The following ENPP1 variants were observed in gnomAD, a reference collection of about 807,000 sequenced individuals.
ENPP1 encodes ectonucleotide pyrophosphatase/phosphodiesterase family member 1.
Under a neutral mutation model 122.8 loss-of-function variants are expected in ENPP1, and 73 were observed. That is an observed-to-expected ratio of 0.59 (90% CI 0.49 to 0.72). The LOEUF (loss-of-function observed/expected upper bound fraction) is 0.72, where lower values mean the gene tolerates loss of function less well. Ranked by LOEUF, ENPP1 falls within the 30% of genes least tolerant of loss-of-function variation. ENPP1 has a pLI of 0.00. For synonymous variants in ENPP1, 367 were observed against 391.6 expected (o/e 0.94, Z 0.74); for missense variants, 978 against 1,128.1 (o/e 0.87, Z 1.91).
chr6:131,828,459 A>C, intron 1 of ENPP1: 1 of 264,542 alleles, frequency 3.8e-6, no homozygotes, highest in Non-Finnish European at 7.3e-6. Context: ...AAAATATTAA[A>C]TAAATCAGAA....
intron 16 of ENPP1, among the ~76,000 whole-genome samples, chr6:131,874,944 A>C (rs1302172357): frequency 1.3e-5 from 2 of 152,202 alleles, no homozygotes; most frequent in African/African-American, 4.8e-5. Flanking sequence ...CATTATCCTT[A>C]GTGAAATAAC....
rs1781770509 is a variant in ENPP1, at chr6:131,843,752, G to T, written c.241-4024G>T. 3.3e-5 allele frequency among the ~76,000 whole-genome samples: 5 copies of T among 151,394 alleles called. No individual in the cohort carries two copies. In the South Asian group the frequency reaches 1.0e-3, roughly 32 times the overall value. On this transcript the variant is annotated intron_variant, in intron 1 of 24. Coordinates refer to ENST00000647893, the MANE Select transcript of ENPP1 (RefSeq NM_006208.3). ...ATTCCATGATTTCAGATTAAGCTGG[G>T]CTCCCAGAGCTGGAGGGTCTTTTTA...
intron 24 of ENPP1, among the ~76,000 whole-genome samples, chr6:131,887,576 TGAGACAGAG>T (rs1782398791): frequency 6.8e-6 from 1 of 146,044 alleles, no homozygotes; most frequent in African/African-American, 2.6e-5. Flanking sequence ...TTTTTTTTTT[TGAGACAGAG>T]TCTCACTTTG....
intron 20 of ENPP1, among the ~76,000 whole-genome samples, chr6:131,881,147 A>G (rs762659149): frequency 1.3e-5 from 2 of 152,216 alleles, no homozygotes; most frequent in Non-Finnish European, 2.9e-5. Context: ...TTTAAAAAAT[A>G]AAATGATTTT....
At position 131,808,265 on chromosome 6, in the gene ENPP1, T is replaced by C; in HGVS notation, c.230T>C (p.Val77Ala). ...RTAKDPNTYK[V>A]LSLVLSVCVL... ...GCCAAGGACCCCAACACCTATAAAG[T>C]ACTCTCGCTGGTAGGTCCGCGGCCA... The change falls in exon 1 of 25, where the codon GTA (valine) becomes GCA (alanine). Residue 77 changes from valine (V) to alanine (A), a missense_variant. Physicochemically the swap from Val to Ala is moderately conservative, Grantham distance 64. Transcript: ENST00000647893. The C allele has an allele frequency of 6.6e-7, 1 of 1,510,344 alleles. No homozygotes were observed. The highest frequency in any genetic ancestry group is 2.1e-5 in the Admixed American group (1 of 47,444). The allele number at this position is 1,510,344 out of a possible 1,614,324, so 93.6% of individuals were successfully genotyped here.
intron 23 of ENPP1, 68 bp downstream of exon 23, chr6:131,885,131 G>T: frequency 6.6e-7 from 1 of 1,518,876 alleles, no homozygotes; most frequent in Non-Finnish European, 9.1e-7. Context: ...TTACCATCCA[G>T]TTGAGTCAAC....
rs578106025 is a variant in ENPP1, at chr6:131,865,086, G to A, written c.1164+148G>A. 3.6e-4 allele frequency: 242 copies of A among 671,160 alleles called. 2 individuals carry two copies. Among genetic ancestry groups the A allele is most frequent in the South Asian group, 3.3e-3 (198 of 60,254 alleles). 41.6% of individuals were successfully genotyped at this position (671,160 alleles called of 1,614,324 possible). The stretch of plus-strand genomic sequence containing the variant: ...ACACAATATTACTAAATATAAGGAT[G>A]CACTTTAAACAAAATAAGAGTTGGG... On this transcript the variant is annotated intron_variant, in intron 11 of 24. Coordinates refer to ENST00000647893, the MANE Select transcript of ENPP1 (RefSeq NM_006208.3).
At chr6:131,822,403 A>C (rs900194637) in intron 1 of ENPP1, among the ~76,000 whole-genome samples, 7 of 152,184 alleles carry the variant, frequency 4.6e-5, no homozygotes, top group African/African-American at 1.7e-4. Context: ...GTTGGATTAG[A>C]TGGGTTCCTT....
At chr6:131,879,556 C>CTAAAGAA (rs1370110115) in intron 19 of ENPP1, among the ~76,000 whole-genome samples, 5 of 151,862 alleles carry the variant, frequency 3.3e-5, no homozygotes, top group Non-Finnish European at 7.4e-5. Context: ...GGAGTGTGTC[C>CTAAAGAA]TAAAGAATAA....
At chr6:131,828,508 T>C (rs532834067) in intron 1 of ENPP1, 11 of 201,336 alleles carry the variant, frequency 5.5e-5, no homozygotes, top group East Asian at 4.8e-4. Flanking sequence ...TGAAGTTTCT[T>C]AGACATACCA....
At chr6:131,871,782 G>T (rs560518217) in intron 13 of ENPP1, among the ~76,000 whole-genome samples, 61 of 152,276 alleles carry the variant, frequency 4.0e-4, no homozygotes, top group African/African-American at 1.4e-3. Flanking sequence ...TGGATAGTTA[G>T]GTGGATGAAT....
In ENPP1 at chr6:131,845,042, GGTT is replaced by G. The variant is rs1297695889; in HGVS notation, c.241-2733_241-2731del. ...GATAAATACAATTTCAATTCTTCAT[GGTT>G]TTTTTTTTTTTTTTTTTTTTTTTTT... On this transcript the variant is annotated intron_variant, in intron 1 of 24. Coordinates refer to ENST00000647893, the MANE Select transcript of ENPP1 (RefSeq NM_006208.3). Among the ~76,000 whole-genome samples, 1,189 of 118,992 alleles carry G rather than the reference GGTT, an allele frequency of 1.0e-2. 45 individuals carry two copies. Among genetic ancestry groups the G allele is most frequent in the African/African-American group, 0.041 (1,119 of 27,132 alleles). 78.1% of individuals were successfully genotyped at this position (118,992 alleles called of 152,430 possible).
In ENPP1 at chr6:131,821,863, G is replaced by A. The variant is rs1384375269; in HGVS notation, c.240+13588G>A. Among the ~76,000 whole-genome samples the A allele has an allele frequency of 1.1e-4, 17 of 152,264 alleles. 1 individual carries two copies. Among genetic ancestry groups the A allele is most frequent in the South Asian group, 2.1e-4 (1 of 4,832 alleles). The stretch of plus-strand genomic sequence containing the variant: ...CAAAACAAAGGAATCTTATACCAAC[G>A]CTTTTTCAGGTGATGTAAAATCAGG... On this transcript the variant is annotated intron_variant, in intron 1 of 24. Coordinates refer to ENST00000647893, the MANE Select transcript of ENPP1 (RefSeq NM_006208.3).
intron 1 of ENPP1, among the ~76,000 whole-genome samples, chr6:131,842,702 C>A (rs1781757447): frequency 1.3e-5 from 2 of 152,120 alleles, no homozygotes; most frequent in African/African-American, 4.8e-5. Flanking sequence ...ATCATTCGTT[C>A]TAATGCTTCC....
chr6:131,878,255 G>T (rs1364858933), intron 18 of ENPP1, among the ~76,000 whole-genome samples: 1 of 151,926 alleles, frequency 6.6e-6, no homozygotes, highest in Non-Finnish European at 1.5e-5. Flanking sequence ...AATTAGCTGG[G>T]CATGGTGACA....
intron 21 of ENPP1, among the ~76,000 whole-genome samples, chr6:131,882,950 G>T (rs7773860): frequency 6.6e-6 from 1 of 151,814 alleles, no homozygotes; most frequent in African/African-American, 2.4e-5. Context: ...AAATAACTTT[G>T]TTGTTTAAAA....
chr6:131,874,487 G>T (rs544847076), intron 16 of ENPP1, 150 bp downstream of exon 16: 3 of 602,202 alleles, frequency 5.0e-6, no homozygotes, highest in South Asian at 4.2e-5. Flanking sequence ...GAACATTAAA[G>T]AATTTTGTTA....
chr6:131,890,590 C>T lies in ENPP1; in HGVS notation c.*79C>T, dbSNP rs1562188331. 2.4e-6 allele frequency: 3 copies of T among 1,263,322 alleles called. No homozygotes were observed. The highest frequency in any genetic ancestry group is 3.5e-6 in the Non-Finnish European group (3 of 864,760). The allele number at this position is 1,263,322 out of a possible 1,614,324, so 78.3% of individuals were successfully genotyped here. On this transcript the variant is annotated 3_prime_UTR_variant, in exon 25 of 25. Transcript: ENST00000647893. ...ATATAGTCCTCTAGCTACACTATTG[C>T]ATTGTTCAGAAACTGTCGACCAGAG...
chr6:131,857,945 C>T (rs1262982858), intron 6 of ENPP1, among the ~76,000 whole-genome samples: 2 of 152,098 alleles, frequency 1.3e-5, no homozygotes, highest in African/African-American at 4.8e-5. Flanking sequence ...AACCATGAGC[C>T]CAAGCCCTAG....
Sources: allele counts gnomAD v4.1 joint callset (sites outside exome capture counted in the v4.1 genomes callset), GRCh38; gene constraint gnomAD v4.1.1; transcripts MANE v1.5; gene names NCBI Gene and HGNC (gene_info 2026-07-23, HGNC 2026-07-21).